TRPM1: variants seen among roughly 807,000 people sequenced by gnomAD.
The protein encoded by TRPM1 is transient receptor potential cation channel subfamily M member 1.
TRPM1 carries 113 observed loss-of-function variants against 149.4 expected under a neutral mutation model. That is an observed-to-expected ratio of 0.76 (90% CI 0.65 to 0.88). The LOEUF is 0.88. Among genes scored for constraint, TRPM1 ranks in the 40% least tolerant of loss-of-function variants. TRPM1 has a pLI of 0.00. For missense variants in TRPM1, 1,976 were observed against 2,038.7 expected, an observed-to-expected ratio of 0.97 and a Z score of 0.59; for synonymous variants, 741 against 759.5, an observed-to-expected ratio of 0.98 and a Z score of 0.40.
chr15:31,011,844 A>C (rs944269684), intron 27 of TRPM1, among the ~76,000 whole-genome samples: 5 of 151,868 alleles, frequency 3.3e-5, no homozygotes, highest in Non-Finnish European at 5.9e-5. Context: ...TTGTATTTTC[A>C]ATAGAGATGG....
At chr15:31,052,465 A>G (rs2033971058) in intron 11 of TRPM1, among the ~76,000 whole-genome samples, 1 of 152,180 alleles carries the variant, frequency 6.6e-6, no homozygotes, top group Admixed American at 6.5e-5. Context: ...ACCTGAACAT[A>G]AAATCGAAAA....
upstream of TRPM1, among the ~76,000 whole-genome samples, chr15:31,106,588 C>T (rs1308169994): frequency 1.3e-5 from 2 of 152,156 alleles, no homozygotes; most frequent in Non-Finnish European, 2.9e-5. Context: ...TTCTCTTCTC[C>T]ACTTTTCTTG....
intron 21 of TRPM1, 178 bp from the exon 22 acceptor site, chr15:31,033,118 G>A (rs954903788): frequency 2.5e-6 from 2 of 796,314 alleles, no homozygotes; most frequent in Non-Finnish European, 2.0e-6. Context: ...GAAATTCCAC[G>A]GAATCCTCCC....
rs1255312331 is a variant in TRPM1 at position 31,032,803 on chromosome 15, C to CATGT, written c.2834_2837dup (p.Met946IlefsTer105). On this transcript the variant is annotated frameshift_variant, in exon 22 of 28. Coordinates refer to ENST00000256552, the MANE Select transcript of TRPM1 (RefSeq NM_001252024.2). LOFTEE classifies it high-confidence loss of function. Reference sequence around the variant, plus strand: ...CACAGTAGATCACCCGGCCATAGCCCATGTAGGGCTGGTTCTGTAGGCGAA... The same window carrying CATGT: ...CACAGTAGATCACCCGGCCATAGCCCATGTATGTAGGGCTGGTTCTGTAGGCGAA... The CATGT allele has an allele frequency of 6.2e-7, 1 of 1,614,172 alleles. No individual in the cohort carries two copies. The highest frequency in any genetic ancestry group is 8.5e-7 in the Non-Finnish European group (1 of 1,180,036).
At chr15:31,145,942 C>T (rs552219829) in intron 1 of TRPM1, among the ~76,000 whole-genome samples, 16 of 150,594 alleles carry the variant, frequency 1.1e-4, no homozygotes, top group African/African-American at 3.0e-4. Context: ...AAAACAAAAA[C>T]GCAAAAAACA....
At position 31,003,000 on chromosome 15, in the gene TRPM1, T is replaced by C. The variant is rs762313723; in HGVS notation, c.3700A>G (p.Thr1234Ala). Residue 1234 changes from threonine to alanine, a missense_variant, in exon 28 of 28, where the codon ACT (threonine) becomes GCT (alanine). By Grantham distance (58) the Thr-to-Ala change is moderately conservative. Around this residue, in one of 3 missense-constraint regions of TRPM1, gnomAD observed 572 missense variants for 578.9 expected, o/e 0.99. Transcript: ENST00000256552. ...AGCTGAGCAAGTCGAAGGTCAACAGTCTGCAGGGAAGTTTTCATAAAAGTT... is the reference window on the plus strand; with the variant it reads ...AGCTGAGCAAGTCGAAGGTCAACAGCCTGCAGGGAAGTTTTCATAAAAGTT... ...RETFMKTSLQTVDLRLAQLEE... is the reference protein window; with the variant it reads ...RETFMKTSLQAVDLRLAQLEE... 8 of 1,593,848 alleles carry C rather than the reference T, an allele frequency of 5.0e-6. No homozygotes were observed. The South Asian group carries it at 8.1e-5, about 16-fold the overall frequency.
At chr15:31,057,006 G>A (rs1456930310) in intron 11 of TRPM1, among the ~76,000 whole-genome samples, 1 of 152,196 alleles carries the variant, frequency 6.6e-6, no homozygotes, top group Non-Finnish European at 1.5e-5. Context: ...AATGAAAAAG[G>A]AATCTGAAAG....
intron 1 of TRPM1, among the ~76,000 whole-genome samples, chr15:31,098,479 C>T (rs909381436): frequency 2.6e-5 from 4 of 152,184 alleles, no homozygotes; most frequent in East Asian, 3.8e-4. Flanking sequence ...GCATGGTCCA[C>T]AGCACGGGAG....
At chr15:31,136,015 T>C (rs892878349) in intron 1 of TRPM1, among the ~76,000 whole-genome samples, 9 of 152,342 alleles carry the variant, frequency 5.9e-5, no homozygotes, top group African/African-American at 2.2e-4. Flanking sequence ...ATGAGAATTG[T>C]GTAATTTTAG....
chr15:31,035,810 C>T (rs2033342033), intron 20 of TRPM1, 136 bp from the exon 21 acceptor site: 1 of 1,253,986 alleles, frequency 8.0e-7, no homozygotes, highest in African/African-American at 1.5e-5. Flanking sequence ...GAGAGGAAAC[C>T]TTCACTGCAC....
intron 1 of TRPM1, among the ~76,000 whole-genome samples, chr15:31,088,778 C>CA (rs1567045858): frequency 1.4e-5 from 2 of 143,798 alleles, no homozygotes; most frequent in African/African-American, 2.6e-5. Flanking sequence ...ACCATGGTAT[C>CA]AAACACCTGA....
intron 1 of TRPM1, among the ~76,000 whole-genome samples, chr15:31,109,062 G>C (rs2035646951): frequency 6.6e-6 from 1 of 152,140 alleles, no homozygotes; most frequent in Admixed American, 6.6e-5. Flanking sequence ...GCTAGTAGGG[G>C]AGCCAGTGCT....
intron 11 of TRPM1, chr15:31,060,314 A>C (rs1372412922): frequency 6.8e-6 from 4 of 590,032 alleles, no homozygotes; most frequent in Non-Finnish European, 1.2e-5. Context: ...CAACGATAAA[A>C]TATTTGGTGA....
chr15:31,034,661 A>G lies in TRPM1; in HGVS notation c.2700+885T>C, dbSNP rs555787711. On this transcript the variant is annotated intron_variant, in intron 21 of 27. Transcript: ENST00000256552. The stretch of plus-strand genomic sequence containing the variant: ...CCCTCCCTTCATAAATCTCCTGCAC[A>G]AGAGTCCAGAGATAAAAGAGATGGC... Among the ~76,000 whole-genome samples, 62 of 152,316 alleles carry G rather than the reference A, an allele frequency of 4.1e-4. 1 individual carries two copies. Among genetic ancestry groups the G allele is most frequent in the Admixed American group, 3.7e-3 (56 of 15,306 alleles).
chr15:31,160,727 A>G (rs1468017454), intron 1 of TRPM1, among the ~76,000 whole-genome samples: 6 of 152,120 alleles, frequency 3.9e-5, no homozygotes, highest in Admixed American at 3.3e-4. Flanking sequence ...AACATAGGGC[A>G]CCTTCTGAGA....
intron 10 of TRPM1, 51 bp downstream of exon 10, chr15:31,061,391 C>G (rs746868206): frequency 2.5e-6 from 4 of 1,577,056 alleles, no homozygotes; most frequent in African/African-American, 1.3e-5. Context: ...GAAGGATTGC[C>G]GGCTAGGCCA....
intron 27 of TRPM1, among the ~76,000 whole-genome samples, chr15:31,021,153 A>T (rs1307686960): frequency 1.3e-5 from 2 of 152,196 alleles, no homozygotes; most frequent in East Asian, 3.8e-4. Flanking sequence ...AGATTAAGGT[A>T]TTCAGACAGG....
chr15:31,113,102 G>A (rs536071768), intron 1 of TRPM1, among the ~76,000 whole-genome samples: 18 of 152,282 alleles, frequency 1.2e-4, no homozygotes, highest in African/African-American at 2.9e-4. Flanking sequence ...CAGGGCTGCT[G>A]TCTTGGCTTT....
intron 11 of TRPM1, among the ~76,000 whole-genome samples, chr15:31,052,438 C>T (rs545915373): frequency 6.6e-6 from 1 of 152,164 alleles, no homozygotes; most frequent in South Asian, 2.1e-4. Context: ...CAAATATTAA[C>T]TCAAAATGAA....
Sources: gnomAD v4.1 joint callset for allele counts (sites outside exome capture counted in the v4.1 genomes callset) on GRCh38, gnomAD v4.1.1 for gene constraint, gnomAD v4.1.1 regional missense constraint, MANE v1.5 for transcripts, NCBI Gene and HGNC (gene_info 2026-07-23, HGNC 2026-07-21) for gene names.